Variants in CARF observed in about 807,000 individuals in gnomAD.
CARF encodes the protein calcium-responsive transcription factor.
In CARF, 57 loss-of-function variants were observed where a neutral mutation model predicts 82.0. The ratio of observed to expected loss-of-function variants is 0.70; its 90% confidence interval spans 0.56 to 0.87. CARF has a LOEUF of 0.87. Ranked by LOEUF, CARF falls within the 40% of genes least tolerant of loss-of-function variation. The pLI, the probability that CARF is intolerant of heterozygous loss-of-function variation, is 0.00. For synonymous variants in CARF, 268 were observed against 290.1 expected (o/e 0.92, Z 0.77); for missense variants, 771 against 855.8 (o/e 0.90, Z 1.24).
intron 9 of CARF, among the ~76,000 whole-genome samples, chr2:202,964,138 A>C: frequency 6.6e-6 from 1 of 152,130 alleles, no homozygotes; most frequent in Middle Eastern, 3.2e-3. Flanking sequence ...CCGTTTTCTG[A>C]GCTTTTTGGA....
At chr2:202,924,932 C>G in intron 3 of CARF, 1 of 280,676 alleles carries the variant, frequency 3.6e-6, no homozygotes, top group East Asian at 9.4e-5. Context: ...CAGATCAAGA[C>G]CCTAAACAAG....
chr2:202,919,772 A>G (rs1489682388), intron 2 of CARF, among the ~76,000 whole-genome samples: 1 of 152,228 alleles, frequency 6.6e-6, no homozygotes, highest in African/African-American at 2.4e-5. Context: ...TTGTAATAAT[A>G]GAGTACGGGC....
intron 3 of CARF, chr2:202,934,413 G>T (rs1693538067): frequency 1.3e-5 from 2 of 152,040 alleles, no homozygotes; most frequent in Non-Finnish European, 2.9e-5. Flanking sequence ...TGTCAATTTG[G>T]CTCTAAGTTC....
At chr2:202,981,150 A>G (rs2060246862) in intron 14 of CARF, among the ~76,000 whole-genome samples, 1 of 152,162 alleles carries the variant, frequency 6.6e-6, no homozygotes, top group East Asian at 1.9e-4. Flanking sequence ...GTGGAACACA[A>G]TTTTTCCACA....
chr2:202,954,372 AAATTTT>A (rs1296455706), intron 7 of CARF, among the ~76,000 whole-genome samples: 42 of 152,190 alleles, frequency 2.8e-4, no homozygotes, highest in African/African-American at 9.2e-4. Flanking sequence ...AACAGTATGA[AAATTTT>A]ATTAGTTTAT....
rs992645328 is a variant in CARF at position 202,971,809 on chromosome 2, T to C, written c.1331+71T>C. On this transcript the variant is annotated intron_variant, in intron 12 of 16. Coordinates refer to ENST00000438828, the MANE Select transcript of CARF (RefSeq NM_024744.17). ...GTTGCTTTAAATAATACAGTGAACATTGGAGATATTTTCCAAAATATATGC... is the reference window on the plus strand; with the variant it reads ...GTTGCTTTAAATAATACAGTGAACACTGGAGATATTTTCCAAAATATATGC... 52 of 1,123,710 alleles carry C rather than the reference T, an allele frequency of 4.6e-5. No homozygotes were observed. In the Admixed American group the frequency reaches 8.7e-4, roughly 19 times the overall value. 69.6% of individuals were successfully genotyped at this position (1,123,710 alleles called of 1,614,324 possible). A position where few individuals can be genotyped will look rare whatever the true frequency, so the allele number is the denominator to read the frequency against.
At chr2:202,958,022 A>C (rs2059130885) in intron 8 of CARF, among the ~76,000 whole-genome samples, 1 of 152,138 alleles carries the variant, frequency 6.6e-6, no homozygotes. Flanking sequence ...TTTTTGAGGA[A>C]AGGGACCATG....
At position 202,917,915 on chromosome 2, in the gene CARF, A is replaced by G. The variant is rs1690031371; in HGVS notation, c.-291A>G. ...GTGAAGACCCAATTAAAGCTTTCAC[A>G]TAAATGAAGCTACAGCTATCATGAT... On this transcript the variant is annotated 5_prime_UTR_variant, in exon 2 of 17. Transcript: ENST00000438828. 5.7e-6 allele frequency: 2 copies of G among 350,986 alleles called. No homozygotes were observed. Among genetic ancestry groups the G allele is most frequent in the Non-Finnish European group, 1.1e-5 (2 of 179,876 alleles). 21.7% of individuals were successfully genotyped at this position (350,986 alleles called of 1,614,324 possible). A position where few individuals can be genotyped will look rare whatever the true frequency, so the allele number is the denominator to read the frequency against.
chr2:202,923,833 C>T (rs1374116054), intron 2 of CARF, among the ~76,000 whole-genome samples: 1 of 152,106 alleles, frequency 6.6e-6, no homozygotes, highest in Non-Finnish European at 1.5e-5. Flanking sequence ...TACGTAACAG[C>T]CAACTGATTT....
intron 13 of CARF, among the ~76,000 whole-genome samples, chr2:202,976,455 T>G (rs1479779992): frequency 1.3e-5 from 2 of 152,052 alleles, no homozygotes; most frequent in Admixed American, 6.6e-5. Context: ...ATTACAGGCG[T>G]GAGCCACCAC....
chr2:202,945,109 C>T lies in CARF; in HGVS notation c.306+2142C>T, dbSNP rs138897825. Among the ~76,000 whole-genome samples the T allele has an allele frequency of 5.1e-3, 773 of 152,060 alleles. 4 individuals carry two copies. Among genetic ancestry groups the T allele is most frequent in the African/African-American group, 0.017 (717 of 41,486 alleles). On this transcript the variant is annotated intron_variant, in intron 5 of 16. Coordinates refer to ENST00000438828, the MANE Select transcript of CARF (RefSeq NM_024744.17). ...ACTGAAGATCAGAGAGAGAATATTC[C>T]GGGAAACTTAGTGGAACTTTTGGTT...
chr2:202,982,871 G>A (rs1434155495), intron 16 of CARF, among the ~76,000 whole-genome samples: 2 of 152,060 alleles, frequency 1.3e-5, no homozygotes, highest in African/African-American at 2.4e-5. Context: ...AAGGTTAAAA[G>A]GAAGATTTTC....
At chr2:202,955,930 G>A (rs186529351) in intron 8 of CARF, among the ~76,000 whole-genome samples, 172 bp downstream of exon 8, 1 of 152,256 alleles carries the variant, frequency 6.6e-6, no homozygotes, top group Admixed American at 6.5e-5. Context: ...TCTAAGCTCT[G>A]TTAAAGCAGA....
rs930949320 is a variant in CARF, at chr2:202,985,434, T to C, written c.*1810T>C. 6.6e-6 allele frequency: 1 copy of C among 152,084 alleles called. No homozygotes were observed. Among genetic ancestry groups the C allele is most frequent in the African/African-American group, 2.4e-5 (1 of 41,452 alleles). The allele number at this position is 152,084 out of a possible 1,614,324, so 9.4% of individuals were successfully genotyped here. On this transcript the variant is annotated 3_prime_UTR_variant, in exon 17 of 17. Transcript: ENST00000438828. Reference sequence around the variant, plus strand: ...TATAAAGTTTATTATTTATACCCTTTTTAATGCAAAGCTAATATTTAGTTA... The same window carrying C: ...TATAAAGTTTATTATTTATACCCTTCTTAATGCAAAGCTAATATTTAGTTA...
intron 3 of CARF, among the ~76,000 whole-genome samples, chr2:202,933,714 G>T (rs1219764849): frequency 2.0e-5 from 3 of 152,042 alleles, no homozygotes; most frequent in Admixed American, 6.6e-5. Flanking sequence ...GTCTTTGTGG[G>T]GGAAATGAAT....
rs1261289278 is a variant in CARF at position 202,912,320 on chromosome 2, A to G, written c.-1112A>G. 6.6e-6 allele frequency: 1 copy of G among 152,204 alleles called. No individual in the cohort carries two copies. The highest frequency in any genetic ancestry group is 1.9e-4 in the East Asian group (1 of 5,174). 9.4% of individuals were successfully genotyped at this position (152,204 alleles called of 1,614,324 possible). On this transcript the variant is annotated 5_prime_UTR_variant, in exon 1 of 17. Transcript: ENST00000438828. ...TCCATGGCGGGGCCTCGGAGCCAAGACGAGGTTGAGTAGACTCGTTTTGAA... is the reference window on the plus strand; with the variant it reads ...TCCATGGCGGGGCCTCGGAGCCAAGGCGAGGTTGAGTAGACTCGTTTTGAA...
At position 202,961,365 on chromosome 2, in the gene CARF, T is replaced by C. The variant is rs897582900; in HGVS notation, c.771T>C (p.Ala257=). 6.2e-7 allele frequency: 1 copy of C among 1,614,188 alleles called. No homozygotes were observed. Among genetic ancestry groups the C allele is most frequent in the East Asian group, 2.2e-5 (1 of 44,884 alleles). ...TRQSPSPAKP[A]TRLMWKSQYV... ...AGTCTCCAAGCCCAGCCAAGCCTGCTACACGCTTGATGTGGAAATCCCAGT... is the reference window on the plus strand; with the variant it reads ...AGTCTCCAAGCCCAGCCAAGCCTGCCACACGCTTGATGTGGAAATCCCAGT... The change falls in exon 9 of 17, where the codon GCT becomes GCC. Residue 257 remains alanine, a synonymous_variant. Transcript: ENST00000438828.
chr2:202,929,105 CT>C (rs1692407581), intron 3 of CARF, among the ~76,000 whole-genome samples: 1 of 152,308 alleles, frequency 6.6e-6, no homozygotes, highest in East Asian at 1.9e-4. Context: ...TTATTAATCC[CT>C]CGTGGAATAG....
chr2:202,929,226 C>CT (rs1692427957), intron 3 of CARF, among the ~76,000 whole-genome samples: 1 of 152,074 alleles, frequency 6.6e-6, no homozygotes, highest in Non-Finnish European at 1.5e-5. Context: ...TCTATTTTTG[C>CT]TTTTGAGGTC....
Sources: gnomAD v4.1 joint callset for allele counts (sites outside exome capture counted in the v4.1 genomes callset) on GRCh38, gnomAD v4.1.1 for gene constraint, MANE v1.5 for transcripts, NCBI Gene and HGNC (gene_info 2026-07-23, HGNC 2026-07-21) for gene names.